The following OPA1 variants were observed in gnomAD, a reference collection of about 807,000 sequenced individuals.
OPA1 encodes OPA1 mitochondrial dynamin like GTPase, also known as dynamin-like GTPase OPA1, mitochondrial.
In OPA1, 59 loss-of-function variants were observed where a neutral mutation model predicts 152.9. The observed-to-expected ratio is 0.39, with a 90% CI of 0.31 to 0.48. OPA1 has a LOEUF of 0.48. Ranked by LOEUF, OPA1 falls within the 20% of genes least tolerant of loss-of-function variation. The pLI is 0.96. For synonymous variants in OPA1, 400 were observed against 389.9 expected, an observed-to-expected ratio of 1.03 and a Z score of -0.31; for missense variants, 1,008 against 1,216.8, an observed-to-expected ratio of 0.83 and a Z score of 2.55.
At chr3:193,654,071 G>A (rs1713192174) in intron 21 of OPA1, among the ~76,000 whole-genome samples, 1 of 152,116 alleles carries the variant, frequency 6.6e-6, no homozygotes, top group African/African-American at 2.4e-5. Flanking sequence ...GTGTTCATAA[G>A]AAAGACTTGT....
At chr3:193,623,402 T>G (rs1010791117) in intron 6 of OPA1, among the ~76,000 whole-genome samples, 6 of 152,170 alleles carry the variant, frequency 3.9e-5, no homozygotes, top group African/African-American at 1.4e-4. Context: ...TTCATTGATA[T>G]TTTGGTTTCT....
Position 193,614,973 on chromosome 3 carries a change from A to G in OPA1, c.283A>G (p.Thr95Ala). ...GAATTTTTGGCCAGCAAGATTAGCT[A>G]CGAGACTCTTAAAACTTCGCTATCT... is the stretch of plus-strand genomic sequence containing the variant. The part of the protein sequence containing the change: ...RRNFWPARLA[T>A]RLLKLRYLIL... Residue 95 changes from threonine (T) to alanine (A), a missense_variant, in exon 2 of 31, where the codon ACG (threonine) becomes GCG (alanine). Thr to Ala is a moderately conservative substitution (Grantham distance 58). Transcript: ENST00000361510. 6.2e-7 allele frequency: 1 copy of G among 1,614,226 alleles called. No individual in the cohort carries two copies. Among genetic ancestry groups the G allele is most frequent in the South Asian group, 1.1e-5 (1 of 91,080 alleles).
intron 8 of OPA1, among the ~76,000 whole-genome samples, 167 bp from the exon 9 acceptor site, chr3:193,635,249 AAT>A (rs1489897024): frequency 5.3e-5 from 8 of 152,192 alleles, no homozygotes; most frequent in African/African-American, 1.7e-4. Context: ...TGTAAGAGAT[AAT>A]AGTCATTGTT....
At chr3:193,598,027 G>A (rs1271694242) in intron 1 of OPA1, among the ~76,000 whole-genome samples, 1 of 152,162 alleles carries the variant, frequency 6.6e-6, no homozygotes, top group Non-Finnish European at 1.5e-5. Flanking sequence ...GCTGCAGTGA[G>A]CCCTGATAAT....
At chr3:193,660,409 T>A (rs921316337) in intron 25 of OPA1, among the ~76,000 whole-genome samples, 11 of 152,080 alleles carry the variant, frequency 7.2e-5, no homozygotes, top group Non-Finnish European at 1.2e-4. Flanking sequence ...TAGCATCCAA[T>A]CCATTTTCTT....
chr3:193,594,888 A>G (rs1725264928), intron 1 of OPA1, among the ~76,000 whole-genome samples: 1 of 152,238 alleles, frequency 6.6e-6, no homozygotes, highest in South Asian at 2.1e-4. Flanking sequence ...ATATTTAGTG[A>G]GGAAACATAT....
intron 29 of OPA1, among the ~76,000 whole-genome samples, chr3:193,684,862 A>G (rs1242247165): frequency 6.6e-6 from 1 of 152,000 alleles, no homozygotes; most frequent in African/African-American, 2.4e-5. Context: ...AAAAGCCTAA[A>G]TATAAGGCTA....
chr3:193,610,841 C>A (rs118115038), intron 1 of OPA1, among the ~76,000 whole-genome samples: 1 of 152,206 alleles, frequency 6.6e-6, no homozygotes, highest in Non-Finnish European at 1.5e-5. Flanking sequence ...GAGCCAGGCG[C>A]GGGATATAGT....
At position 193,645,478 on chromosome 3, in the gene OPA1, T is replaced by C. The variant is rs77539393; in HGVS notation, c.1609-75T>C. On this transcript the variant is annotated intron_variant, in intron 16 of 30. Coordinates refer to ENST00000361510, the MANE Select transcript of OPA1 (RefSeq NM_130837.3). The stretch of plus-strand genomic sequence containing the variant: ...ATACATGTATAGCATTATTTTGCTT[T>C]CTAAATTGTATATTACGCTTTTAAA... 0.077 allele frequency: 87,511 copies of C among 1,130,804 alleles called. 3,882 individuals carry two copies. The highest frequency in any genetic ancestry group is 0.088 in the Non-Finnish European group (67,117 of 766,222). 70.0% of individuals were successfully genotyped at this position (1,130,804 alleles called of 1,614,324 possible).
At position 193,666,258 on chromosome 3, in the gene OPA1, A is replaced by G. The variant is rs1479132534; in HGVS notation, c.2779-38A>G. ...GTTTACGATGATAGTTTTCATTTTA[A>G]CTTTGCATCTGGTAATCTTAGTTAC... On this transcript the variant is annotated intron_variant, in intron 27 of 30. Coordinates refer to ENST00000361510, the MANE Select transcript of OPA1 (RefSeq NM_130837.3). 4 of 1,545,022 alleles carry G rather than the reference A, an allele frequency of 2.6e-6. No individual in the cohort carries two copies. In the African/African-American group the frequency reaches 5.4e-5, roughly 21 times the overall value.
intron 30 of OPA1, among the ~76,000 whole-genome samples, chr3:193,693,753 C>A (rs1383827394): frequency 1.3e-5 from 2 of 152,172 alleles, no homozygotes; most frequent in African/African-American, 2.4e-5. Flanking sequence ...TAAATGTTTT[C>A]TATGTCTTTT....
At chr3:193,618,847 G>A in intron 5 of OPA1, 22 bp from the exon 6 acceptor site, 2 of 1,595,228 alleles carry the variant, frequency 1.3e-6, no homozygotes, top group Middle Eastern at 1.7e-4. Flanking sequence ...AGAATGTAAA[G>A]GGTTGCATAT....
At chr3:193,692,786 T>A (rs1387695292) in intron 30 of OPA1, among the ~76,000 whole-genome samples, 3 of 152,214 alleles carry the variant, frequency 2.0e-5, no homozygotes, top group Non-Finnish European at 4.4e-5. Flanking sequence ...AGAGGAGACC[T>A]CGCTCTGCCA....
intron 1 of OPA1, chr3:193,596,766 G>A (rs1323028286): frequency 6.6e-6 from 1 of 152,170 alleles, no homozygotes; most frequent in Non-Finnish European, 1.5e-5. Flanking sequence ...TTGGCGCTCT[G>A]TATACTCTCA....
chr3:193,631,829 A>G, intron 8 of OPA1, 164 bp downstream of exon 8: 2 of 659,958 alleles, frequency 3.0e-6, no homozygotes, highest in South Asian at 3.7e-5. Flanking sequence ...GAAATAAGGA[A>G]TAAAGACAGA....
At chr3:193,593,472 A>G in intron 1 of OPA1, 63 bp downstream of exon 1, 1 of 1,420,076 alleles carries the variant, frequency 7.0e-7, no homozygotes, top group Non-Finnish European at 9.4e-7. Context: ...GGGCTGTCTT[A>G]TCTCTATCTC....
chr3:193,650,091 G>A (rs1057139303), intron 21 of OPA1, among the ~76,000 whole-genome samples: 2 of 152,156 alleles, frequency 1.3e-5, no homozygotes, highest in African/African-American at 2.4e-5. Flanking sequence ...ATCATCAAAT[G>A]GAAAGGTTAG....
At chr3:193,593,533 C>T in intron 1 of OPA1, 124 bp downstream of exon 1, 1 of 1,019,984 alleles carries the variant, frequency 9.8e-7, no homozygotes, top group South Asian at 2.3e-5. Flanking sequence ...TTGGAGAATT[C>T]CCAGATGTTC....
At chr3:193,658,770 A>C in intron 23 of OPA1, 117 bp from the exon 24 acceptor site, 1 of 723,300 alleles carries the variant, frequency 1.4e-6, no homozygotes, top group Non-Finnish European at 2.5e-6. Flanking sequence ...ATATATTTTT[A>C]TGCTGGTTTA....
Sources: allele counts gnomAD v4.1 joint callset (sites outside exome capture counted in the v4.1 genomes callset), GRCh38; gene constraint gnomAD v4.1.1; transcripts MANE v1.5; gene names NCBI Gene and HGNC (gene_info 2026-07-23, HGNC 2026-07-21).